The following FBXW7 variants were observed in gnomAD, a reference collection of about 807,000 sequenced individuals.
FBXW7 encodes F-box/WD repeat-containing protein 7.
Under a neutral mutation model 86.3 loss-of-function variants are expected in FBXW7, and 11 were observed. The observed-to-expected ratio is 0.13, with a 90% CI of 0.08 to 0.21. The LOEUF (loss-of-function observed/expected upper bound fraction) is 0.21, where lower values mean the gene tolerates loss of function less well. FBXW7 is among the 10% of genes least tolerant of loss of function. The pLI, the probability that FBXW7 is intolerant of heterozygous loss-of-function variation, is 1.00. For synonymous variants in FBXW7, 313 were observed against 297.9 expected (o/e 1.05, Z -0.52); for missense variants, 488 against 847.4 (o/e 0.58, Z 5.27).
In FBXW7 at chr4:152,372,833, A is replaced by C. The variant is rs566672034; in HGVS notation, c.502-22709T>G. On this transcript the variant is annotated intron_variant, in intron 4 of 13. Transcript: ENST00000281708. Reference sequence around the variant, plus strand: ...TGTTACATAAAAGACAAAATCATACAAGTTGTTTCCATAGTGTAGTTACAG... The same window carrying C: ...TGTTACATAAAAGACAAAATCATACCAGTTGTTTCCATAGTGTAGTTACAG... 3.9e-5 allele frequency among the ~76,000 whole-genome samples: 6 copies of C among 152,124 alleles called. No individual in the cohort carries two copies. The South Asian group carries it at 1.2e-3, about 32-fold the overall frequency.
chr4:152,378,828 G>A (rs981365372), intron 4 of FBXW7, among the ~76,000 whole-genome samples: 1 of 152,004 alleles, frequency 6.6e-6, no homozygotes, highest in Non-Finnish European at 1.5e-5. Context: ...GCAACATGGT[G>A]AAACCCCATC....
At chr4:152,468,345 T>C (rs1444583814) in intron 2 of FBXW7, among the ~76,000 whole-genome samples, 2 of 151,858 alleles carry the variant, frequency 1.3e-5, no homozygotes, top group South Asian at 2.1e-4. Flanking sequence ...GCGCTCCTAA[T>C]AGCCAAAAAA....
chr4:152,451,444 C>T (rs1399780289), intron 2 of FBXW7, among the ~76,000 whole-genome samples: 2 of 152,124 alleles, frequency 1.3e-5, no homozygotes, highest in East Asian at 1.9e-4. Context: ...TTCCTCAATG[C>T]TCAAATTTAT....
intron 4 of FBXW7, chr4:152,352,799 G>A (rs1211556175): frequency 6.3e-7 from 1 of 1,583,944 alleles, no homozygotes; most frequent in African/African-American, 1.3e-5. Flanking sequence ...ATTATTGGAG[G>A]AGACTATGCC....
intron 4 of FBXW7, among the ~76,000 whole-genome samples, chr4:152,383,503 T>C (rs184655068): frequency 2.0e-5 from 3 of 152,276 alleles, no homozygotes; most frequent in East Asian, 1.9e-4. Context: ...TCCTAACAGA[T>C]AGTAGATAAT....
At chr4:152,401,592 T>C (rs1338671050) in intron 4 of FBXW7, among the ~76,000 whole-genome samples, 1 of 152,214 alleles carries the variant, frequency 6.6e-6, no homozygotes, top group Non-Finnish European at 1.5e-5. Context: ...CCATTCTCTA[T>C]GGTACTACAT....
In FBXW7 at chr4:152,474,304, T is replaced by C. The variant is rs545814356; in HGVS notation, c.-120+60637A>G. ...GAAGACTGCTCATGAATTCTAACCATGTAAATACTGGTAGTTTTAAATCTA... is the reference window on the plus strand; with the variant it reads ...GAAGACTGCTCATGAATTCTAACCACGTAAATACTGGTAGTTTTAAATCTA... On this transcript the variant is annotated intron_variant, in intron 2 of 13. Transcript: ENST00000281708. Among the ~76,000 whole-genome samples the C allele has an allele frequency of 5.3e-5, 8 of 152,352 alleles. No individual in the cohort carries two copies. In the East Asian group the frequency reaches 1.5e-3, roughly 29 times the overall value.
intron 2 of FBXW7, among the ~76,000 whole-genome samples, chr4:152,447,507 T>C (rs907068353): frequency 6.6e-6 from 1 of 152,228 alleles, no homozygotes; most frequent in African/African-American, 2.4e-5. Flanking sequence ...GTTAGCAATA[T>C]TCCTACACTT....
intron 4 of FBXW7, among the ~76,000 whole-genome samples, chr4:152,396,055 A>G (rs527735515): frequency 9.5e-4 from 145 of 152,142 alleles, no homozygotes; most frequent in African/African-American, 3.4e-3. Flanking sequence ...CATTTCATTC[A>G]TATCAATTAA....
intron 7 of FBXW7, among the ~76,000 whole-genome samples, chr4:152,334,534 C>G (rs1042406213): frequency 6.6e-6 from 1 of 152,146 alleles, no homozygotes; most frequent in Non-Finnish European, 1.5e-5. Flanking sequence ...AAAGTCTATT[C>G]TTTTCTTTGC....
chr4:152,448,209 C>G (rs532320221), intron 2 of FBXW7, among the ~76,000 whole-genome samples: 1 of 152,318 alleles, frequency 6.6e-6, no homozygotes, highest in Admixed American at 6.5e-5. Context: ...TCAGAGCAAG[C>G]AAGCAAGTGG....
At chr4:152,377,382 T>C (rs1734644888) in intron 4 of FBXW7, among the ~76,000 whole-genome samples, 2 of 152,152 alleles carry the variant, frequency 1.3e-5, no homozygotes, top group African/African-American at 4.8e-5. Context: ...CATAGTTGGC[T>C]CTTTTAAAAT....
chr4:152,502,682 A>G (rs1747068028), intron 2 of FBXW7, among the ~76,000 whole-genome samples: 1 of 152,198 alleles, frequency 6.6e-6, no homozygotes, highest in African/African-American at 2.4e-5. Flanking sequence ...GAGATACAGA[A>G]GCTAATGCTA....
Position 152,535,634 on chromosome 4 carries a change from G to T in FBXW7, c.-720C>A. 5.0e-6 allele frequency: 2 copies of T among 396,896 alleles called. No individual in the cohort carries two copies. The highest frequency in any genetic ancestry group is 4.4e-6 in the Non-Finnish European group (1 of 224,918). 24.6% of individuals were successfully genotyped at this position (396,896 alleles called of 1,614,324 possible). A position where few individuals can be genotyped will look rare whatever the true frequency, so the allele number is the denominator to read the frequency against. ...TCCGCTCGGCGCCGCCCCCGCTCCC[G>T]GCTCCCGCATGTGTCGCTGCGGCTG... On this transcript the variant is annotated 5_prime_UTR_variant, in exon 1 of 14. Coordinates refer to ENST00000281708, the MANE Select transcript of FBXW7 (RefSeq NM_001349798.2).
rs115021772 is a variant in FBXW7 at position 152,412,216 on chromosome 4, A to C, written c.-70+264T>G. On this transcript the variant is annotated intron_variant, in intron 3 of 13. Transcript: ENST00000281708. ...ATCAGTAGTTCATAGACTATATCCTATATAAAACTTCCACAAAATTTTAAG... is the reference window on the plus strand; with the variant it reads ...ATCAGTAGTTCATAGACTATATCCTCTATAAAACTTCCACAAAATTTTAAG... Among the ~76,000 whole-genome samples the C allele has an allele frequency of 5.2e-3, 792 of 152,234 alleles. 6 individuals are homozygous for C. Among genetic ancestry groups the C allele is most frequent in the African/African-American group, 0.018 (739 of 41,568 alleles).
intron 2 of FBXW7, among the ~76,000 whole-genome samples, chr4:152,467,903 C>T (rs1440345202): frequency 6.6e-6 from 1 of 151,768 alleles, no homozygotes; most frequent in East Asian, 1.9e-4. Flanking sequence ...ATTTGCAAAT[C>T]ATGTATGTGA....
chr4:152,512,856 ATATT>A (rs907827471), intron 2 of FBXW7, among the ~76,000 whole-genome samples: 4 of 151,968 alleles, frequency 2.6e-5, no homozygotes, highest in Admixed American at 6.6e-5. Context: ...AAACGACCGA[ATATT>A]TATTTATTTA....
At chr4:152,428,976 G>A (rs1219858490) in intron 2 of FBXW7, among the ~76,000 whole-genome samples, 2 of 152,094 alleles carry the variant, frequency 1.3e-5, no homozygotes, top group African/African-American at 4.8e-5. Context: ...GATCACCTGA[G>A]GTAGGGAGTT....
chr4:152,463,369 T>C (rs940482913), intron 2 of FBXW7, among the ~76,000 whole-genome samples: 4 of 152,134 alleles, frequency 2.6e-5, no homozygotes, highest in Non-Finnish European at 4.4e-5. Context: ...ACTCCACCAT[T>C]ACCCACAAAA....
Sources: gnomAD v4.1 joint callset for allele counts (sites outside exome capture counted in the v4.1 genomes callset) on GRCh38, gnomAD v4.1.1 for gene constraint, MANE v1.5 for transcripts, NCBI Gene and HGNC (gene_info 2026-07-23, HGNC 2026-07-21) for gene names.